The following GPC5 variants were observed in gnomAD, a reference collection of about 807,000 sequenced individuals.
GPC5 encodes glypican 5.
A neutral mutation model predicts 53.9 loss-of-function variants in GPC5; 47 were observed. The observed-to-expected ratio is 0.87, with a 90% CI of 0.69 to 1.11. The LOEUF is 1.11. Among genes scored for constraint, GPC5 ranks in the 50% most tolerant of loss-of-function variants. The pLI is 0.00. For missense variants in GPC5, 748 were observed against 713.1 expected, an observed-to-expected ratio of 1.05 and a Z score of -0.56; for synonymous variants, 286 against 263.3, an observed-to-expected ratio of 1.09 and a Z score of -0.84.
At chr13:91,808,162 G>C (rs544439237) in intron 5 of GPC5, among the ~76,000 whole-genome samples, 1 of 152,228 alleles carries the variant, frequency 6.6e-6, no homozygotes, top group East Asian at 1.9e-4. Context: ...CATTGTAAAA[G>C]TTTAAAAACC....
intron 5 of GPC5, among the ~76,000 whole-genome samples, chr13:91,867,562 AGT>A (rs1483627569): frequency 3.9e-5 from 6 of 152,232 alleles, no homozygotes; most frequent in Admixed American, 2.6e-4. Context: ...TGTTATCTAA[AGT>A]GTAAAGTGTG....
At chr13:92,678,577 T>G (rs1242286053) in intron 7 of GPC5, among the ~76,000 whole-genome samples, 1 of 152,160 alleles carries the variant, frequency 6.6e-6, no homozygotes, top group Non-Finnish European at 1.5e-5. Context: ...CAAATAGGTC[T>G]CCCTGCTACA....
At chr13:92,521,440 T>G (rs1881042797) in intron 7 of GPC5, among the ~76,000 whole-genome samples, 1 of 151,976 alleles carries the variant, frequency 6.6e-6, no homozygotes, top group East Asian at 1.9e-4. Context: ...CATAGACCAA[T>G]GGAACAGAAC....
At chr13:92,226,583 T>C (rs576062917) in intron 7 of GPC5, among the ~76,000 whole-genome samples, 6 of 151,836 alleles carry the variant, frequency 4.0e-5, no homozygotes, top group Non-Finnish European at 8.8e-5. Context: ...TATGAGAGAC[T>C]CAGAGTAGTG....
chr13:91,579,109 G>T (rs2032250925), intron 2 of GPC5, among the ~76,000 whole-genome samples: 2 of 152,128 alleles, frequency 1.3e-5, no homozygotes, highest in East Asian at 1.9e-4. Context: ...AGAACCAATG[G>T]TCATATTTCC....
At chr13:92,838,804 TA>T (rs1878316483) in intron 7 of GPC5, among the ~76,000 whole-genome samples, 1 of 152,136 alleles carries the variant, frequency 6.6e-6, no homozygotes, top group African/African-American at 2.4e-5. Context: ...GAACTAAAAA[TA>T]AAGTATCTAC....
At chr13:92,615,268 TTC>T (rs1884642928) in intron 7 of GPC5, among the ~76,000 whole-genome samples, 1 of 152,162 alleles carries the variant, frequency 6.6e-6, no homozygotes. Context: ...TATAGACAAT[TTC>T]ACAAGCAATA....
At chr13:92,434,190 G>C (rs890000955) in intron 7 of GPC5, among the ~76,000 whole-genome samples, 3 of 152,056 alleles carry the variant, frequency 2.0e-5, no homozygotes, top group Non-Finnish European at 4.4e-5. Context: ...ACTGTAGCAG[G>C]GTTATTCACA....
At chr13:92,583,677 C>A (rs1883440632) in intron 7 of GPC5, among the ~76,000 whole-genome samples, 1 of 152,160 alleles carries the variant, frequency 6.6e-6, no homozygotes, top group Non-Finnish European at 1.5e-5. Context: ...GGTCACCAGG[C>A]AAGAAGCTAT....
Position 92,731,699 on chromosome 13 carries a change from T to C in GPC5, c.1562-134583T>C, listed in dbSNP as rs537693074. 2.0e-5 allele frequency among the ~76,000 whole-genome samples: 3 copies of C among 151,536 alleles called. No homozygotes were observed. The East Asian group carries it at 5.8e-4, about 29-fold the overall frequency. On this transcript the variant is annotated intron_variant, in intron 7 of 7. Coordinates refer to ENST00000377067, the MANE Select transcript of GPC5 (RefSeq NM_004466.6). ...CAAATTACTTCTAAAGGAAAGAGAATAGACTCTATTTAAGAAAAATCCAAA... is the reference window on the plus strand; with the variant it reads ...CAAATTACTTCTAAAGGAAAGAGAACAGACTCTATTTAAGAAAAATCCAAA...
chr13:92,709,687 AC>A (rs1888071625), intron 7 of GPC5: 2 of 152,210 alleles, frequency 1.3e-5, no homozygotes. Context: ...GCCCACATCA[AC>A]AACATGGCCA....
At chr13:92,314,196 G>C (rs1013760794) in intron 7 of GPC5, among the ~76,000 whole-genome samples, 2 of 152,128 alleles carry the variant, frequency 1.3e-5, no homozygotes, top group African/African-American at 4.8e-5. Flanking sequence ...GGGCAGCTAG[G>C]TGGTTGCTAG....
In GPC5 at chr13:92,422,417, G is replaced by A. The variant is rs555645672; in HGVS notation, c.1561+277428G>A. ...GCAGGCTTCCAGCCCAAAACAAGAG[G>A]TCAATTTCCTACAGTGACCTGCACC... On this transcript the variant is annotated intron_variant, in intron 7 of 7. Transcript: ENST00000377067. Among the ~76,000 whole-genome samples, 4 of 151,120 alleles carry A rather than the reference G, an allele frequency of 2.6e-5. No individual in the cohort carries two copies. The South Asian group carries it at 8.4e-4, about 32-fold the overall frequency.
At chr13:92,083,042 G>A (rs2041308939) in intron 6 of GPC5, among the ~76,000 whole-genome samples, 1 of 152,134 alleles carries the variant, frequency 6.6e-6, no homozygotes, top group Non-Finnish European at 1.5e-5. Context: ...TATTCCCTTA[G>A]GTTCACATCA....
rs74512527 is a variant in GPC5, at chr13:92,327,462, G to A, written c.1561+182473G>A. Among the ~76,000 whole-genome samples the A allele has an allele frequency of 8.9e-3, 1,348 of 152,248 alleles. 21 individuals carry two copies. The highest frequency in any genetic ancestry group is 0.031 in the African/African-American group (1,282 of 41,560). On this transcript the variant is annotated intron_variant, in intron 7 of 7. Coordinates refer to ENST00000377067, the MANE Select transcript of GPC5 (RefSeq NM_004466.6). ...ATATTTTGAAAGGTAAGATTTACCT[G>A]ATAATCAGTACTCAACCTATCAAAA...
chr13:91,658,345 T>C (rs2034898246), intron 2 of GPC5, among the ~76,000 whole-genome samples: 1 of 151,910 alleles, frequency 6.6e-6, no homozygotes, highest in Admixed American at 6.6e-5. Context: ...CATAGCACAT[T>C]TCTTGTTTTC....
At chr13:91,837,719 G>A (rs989881916) in intron 5 of GPC5, among the ~76,000 whole-genome samples, 1 of 152,068 alleles carries the variant, frequency 6.6e-6, no homozygotes, top group African/African-American at 2.4e-5. Context: ...TTTGAAGTTA[G>A]AAAATTATTA....
chr13:92,532,060 C>T (rs534184812), intron 7 of GPC5, among the ~76,000 whole-genome samples: 2 of 152,238 alleles, frequency 1.3e-5, no homozygotes, highest in South Asian at 2.1e-4. Flanking sequence ...GCAGGTGGCT[C>T]ATCCCTTATA....
At chr13:91,488,511 A>G (rs1883744164) in intron 2 of GPC5, among the ~76,000 whole-genome samples, 2 of 152,180 alleles carry the variant, frequency 1.3e-5, no homozygotes, top group African/African-American at 4.8e-5. Flanking sequence ...TAGTTCCCCA[A>G]ATTAATACTT....
Sources: gnomAD v4.1 joint callset for allele counts (sites outside exome capture counted in the v4.1 genomes callset) on GRCh38, gnomAD v4.1.1 for gene constraint, MANE v1.5 for transcripts, NCBI Gene and HGNC (gene_info 2026-07-23, HGNC 2026-07-21) for gene names.